RYR2: variants seen among roughly 807,000 people sequenced by gnomAD.
RYR2 encodes cardiac muscle ryanodine receptor-calcium release channel.
RYR2 carries 227 observed loss-of-function variants against 601.1 expected under a neutral mutation model. The ratio of observed to expected loss-of-function variants is 0.38; its 90% CI spans 0.34 to 0.42. RYR2 has a LOEUF of 0.42. Ranked by LOEUF, RYR2 falls within the 10% of genes least tolerant of loss-of-function variation. RYR2 has a pLI of 1.00. For synonymous variants in RYR2, 2,223 were observed against 2,175.1 expected, an observed-to-expected ratio of 1.02 and a Z score of -0.61; for missense variants, 4,646 against 6,156.5, an observed-to-expected ratio of 0.75 and a Z score of 8.21.
At chr1:237,045,406 T>A (rs1660453690) in intron 1 of RYR2, among the ~76,000 whole-genome samples, 1 of 152,180 alleles carries the variant, frequency 6.6e-6, no homozygotes, top group Non-Finnish European at 1.5e-5. Context: ...CTCTCTGGCA[T>A]CTCTGTTCCA....
At chr1:237,586,429 C>T (rs1674534967) in intron 29 of RYR2, among the ~76,000 whole-genome samples, 1 of 152,160 alleles carries the variant, frequency 6.6e-6, no homozygotes, top group South Asian at 2.1e-4. Flanking sequence ...AACTTTAAAA[C>T]TATAACCCTA....
At chr1:237,149,861 G>A (rs1269541144) in intron 1 of RYR2, among the ~76,000 whole-genome samples, 1 of 152,028 alleles carries the variant, frequency 6.6e-6, no homozygotes, top group Non-Finnish European at 1.5e-5. Flanking sequence ...AGATAGATGT[G>A]AGTATTTTCA....
intron 71 of RYR2, among the ~76,000 whole-genome samples, chr1:237,715,164 T>C (rs1013436544): frequency 1.3e-5 from 2 of 152,150 alleles, no homozygotes; most frequent in African/African-American, 4.8e-5. Context: ...GCAAATTCAT[T>C]AGCTTTAGCG....
intron 24 of RYR2, among the ~76,000 whole-genome samples, chr1:237,515,710 C>A: frequency 1.4e-3 from 1 of 692 alleles, no homozygotes; most frequent in African/African-American, 5.1e-3. Context: ...CCCTCCTTCT[C>A]CTTCTTCTCT....
At chr1:237,825,374 ATC>A (rs1157313960) in intron 101 of RYR2, among the ~76,000 whole-genome samples, 1 of 152,212 alleles carries the variant, frequency 6.6e-6, no homozygotes, top group Non-Finnish European at 1.5e-5. Flanking sequence ...ATCTACAACT[ATC>A]TGATCTTTGA....
At chr1:237,826,643 T>TTA (rs1553341340) in intron 101 of RYR2, among the ~76,000 whole-genome samples, 1 of 151,800 alleles carries the variant, frequency 6.6e-6, no homozygotes, top group African/African-American at 2.4e-5. Context: ...TAAAGTATAA[T>TTA]AAAAAAAGGA....
At chr1:237,541,819 C>T (rs1329383346) in intron 25 of RYR2, among the ~76,000 whole-genome samples, 1 of 151,958 alleles carries the variant, frequency 6.6e-6, no homozygotes, top group Non-Finnish European at 1.5e-5. Context: ...CCAGGATGAG[C>T]CAGGAAAAGG....
chr1:237,292,190 T>C (rs1692298597), intron 2 of RYR2, among the ~76,000 whole-genome samples: 1 of 152,256 alleles, frequency 6.6e-6, no homozygotes, highest in Non-Finnish European at 1.5e-5. Context: ...AGCAATGTTA[T>C]ACTGTATATA....
At chr1:237,561,358 A>AT (rs564928599) in intron 27 of RYR2, among the ~76,000 whole-genome samples, 279 of 152,352 alleles carry the variant, frequency 1.8e-3, no homozygotes, top group Non-Finnish European at 3.6e-3. Flanking sequence ...TGGAAAAGAC[A>AT]TAAGAAGAAA....
In RYR2 at chr1:237,120,641, A is replaced by G. The variant is rs546957054; in HGVS notation, c.48+78072A>G. ...CTCTCTCCTCATTGGTAAAGTATCAACAATAGTCGAACCTACCCTCCTAGG... is the reference window on the plus strand; with the variant it reads ...CTCTCTCCTCATTGGTAAAGTATCAGCAATAGTCGAACCTACCCTCCTAGG... On this transcript the variant is annotated intron_variant, in intron 1 of 104. Coordinates refer to ENST00000366574, the MANE Select transcript of RYR2 (RefSeq NM_001035.3). Among the ~76,000 whole-genome samples the G allele has an allele frequency of 1.9e-3, 284 of 152,336 alleles. 1 individual carries two copies. Among genetic ancestry groups the G allele is most frequent in the Non-Finnish European group, 3.2e-3 (218 of 68,040 alleles).
intron 1 of RYR2, among the ~76,000 whole-genome samples, chr1:237,146,682 CT>C (rs1324446649): frequency 6.6e-6 from 1 of 152,062 alleles, no homozygotes; most frequent in Non-Finnish European, 1.5e-5. Flanking sequence ...GAGAGTTGGG[CT>C]TTTTTGAATT....
intron 6 of RYR2, among the ~76,000 whole-genome samples, chr1:237,374,024 C>T (rs1352869308): frequency 6.6e-6 from 1 of 152,194 alleles, no homozygotes; most frequent in Non-Finnish European, 1.5e-5. Flanking sequence ...TGACAGAGAA[C>T]ATTTCCTTTG....
intron 6 of RYR2, 116 bp from the exon 7 acceptor site, chr1:237,374,601 T>C: frequency 2.5e-6 from 2 of 788,880 alleles, no homozygotes; most frequent in Non-Finnish European, 2.2e-6. Context: ...GAGGCTGCAG[T>C]GAGCTGTGAT....
intron 29 of RYR2, among the ~76,000 whole-genome samples, chr1:237,586,580 A>G (rs1674551162): frequency 6.6e-6 from 1 of 152,202 alleles, no homozygotes; most frequent in African/African-American, 2.4e-5. Flanking sequence ...TAATCACTTC[A>G]TAGTAATATC....
At chr1:237,577,163 A>G (rs1222384461) in intron 29 of RYR2, among the ~76,000 whole-genome samples, 1 of 152,218 alleles carries the variant, frequency 6.6e-6, no homozygotes, top group Admixed American at 6.5e-5. Context: ...GAATGGTTGT[A>G]GGAGCACTAT....
intron 27 of RYR2, among the ~76,000 whole-genome samples, chr1:237,553,611 C>T (rs571757439): frequency 1.7e-4 from 26 of 151,962 alleles, no homozygotes; most frequent in African/African-American, 5.5e-4. Context: ...CAGTTGAATT[C>T]ATAGGTCAGT....
Position 237,798,113 on chromosome 1 carries a change from A to G in RYR2, c.14033A>G (p.Asp4678Gly). 1.2e-6 allele frequency: 2 copies of G among 1,612,126 alleles called. No individual in the cohort carries two copies. Among genetic ancestry groups the G allele is most frequent in the Non-Finnish European group, 1.7e-6 (2 of 1,178,948 alleles). ...ELLGMDKAAL[D>G]FSDAREKKKP... ...CTTGGCATGGACAAGGCAGCTCTGG[A>G]CTTCAGTGATGCCAGAGAAAAGAAG... Residue 4678 changes from aspartate (D) to glycine (G), a missense_variant, in exon 97 of 105, where the codon GAC becomes GGC. Asp to Gly is a moderately conservative substitution (Grantham distance 94). Coordinates refer to ENST00000366574, the MANE Select transcript of RYR2 (RefSeq NM_001035.3).
chr1:237,049,065 G>A (rs765133671), intron 1 of RYR2, among the ~76,000 whole-genome samples: 14 of 152,154 alleles, frequency 9.2e-5, no homozygotes, highest in Non-Finnish European at 1.6e-4. Context: ...AGAGAGGCCA[G>A]GTGATGATTG....
intron 58 of RYR2, among the ~76,000 whole-genome samples, chr1:237,669,443 G>T (rs1326910497): frequency 6.6e-6 from 1 of 151,556 alleles, no homozygotes; most frequent in Non-Finnish European, 1.5e-5. Flanking sequence ...TCACTTCCCA[G>T]TAGGGGCGGC....
Sources: allele counts gnomAD v4.1 joint callset (sites outside exome capture counted in the v4.1 genomes callset), GRCh38; gene constraint gnomAD v4.1.1; transcripts MANE v1.5; gene names NCBI Gene and HGNC (gene_info 2026-07-23, HGNC 2026-07-21).